VTA1: variants seen among roughly 807,000 people sequenced by gnomAD.
VTA1 encodes vacuolar protein sorting-associated protein VTA1 homolog.
In VTA1, 24 loss-of-function variants were observed where a neutral mutation model predicts 36.9. The ratio of observed to expected loss-of-function variants is 0.65; its 90% CI spans 0.47 to 0.91. The LOEUF (loss-of-function observed/expected upper bound fraction) is 0.91. Among genes scored for constraint, VTA1 ranks in the 40% least tolerant of loss-of-function variants. VTA1 has a pLI of 0.00. For missense variants in VTA1, 393 were observed against 377.2 expected (o/e 1.04, Z -0.35); for synonymous variants, 142 against 130.2 (o/e 1.09, Z -0.62).
intron 3 of VTA1, 137 bp from the exon 4 acceptor site, chr6:142,170,209 G>C (rs1169096110): frequency 2.8e-4 from 177 of 636,682 alleles, no homozygotes; most frequent in Non-Finnish European, 8.5e-5. Context: ...TTATTTTCTT[G>C]AAATCTAATT....
intron 4 of VTA1, among the ~76,000 whole-genome samples, chr6:142,182,666 G>A (rs1775264882): frequency 6.6e-6 from 1 of 152,142 alleles, no homozygotes; most frequent in African/African-American, 2.4e-5. Context: ...AACCATTGTG[G>A]CCATTTATAG....
At chr6:142,172,111 A>AGTGAT (rs1775039237) in intron 4 of VTA1, among the ~76,000 whole-genome samples, 1 of 152,104 alleles carries the variant, frequency 6.6e-6, no homozygotes, top group Non-Finnish European at 1.5e-5. Flanking sequence ...CCTGGGTTCA[A>AGTGAT]GTGATTCCCC....
intron 5 of VTA1, among the ~76,000 whole-genome samples, chr6:142,197,940 AAAAC>A (rs1775587804): frequency 6.6e-6 from 1 of 151,252 alleles, no homozygotes; most frequent in African/African-American, 2.4e-5. Context: ...AACCAAAAAA[AAAAC>A]AAACTAGCCG....
rs570806700 is a variant in VTA1, at chr6:142,189,379, A to G, written c.412-47A>G. 1.6e-4 allele frequency: 233 copies of G among 1,438,962 alleles called. 3 individuals carry two copies. In the South Asian group the frequency reaches 2.5e-3, roughly 16 times the overall value. 89.1% of individuals were successfully genotyped at this position (1,438,962 alleles called of 1,614,324 possible). On this transcript the variant is annotated intron_variant, in intron 4 of 7. Transcript: ENST00000367630. Reference sequence around the variant, plus strand: ...AGGTCATCATAAATGTTTACTTTTTACTTCTTTACCATAGTCCAATGTTGA... The same window carrying G: ...AGGTCATCATAAATGTTTACTTTTTGCTTCTTTACCATAGTCCAATGTTGA...
chr6:142,212,954 C>A (rs1012887371), intron 7 of VTA1, among the ~76,000 whole-genome samples: 1 of 152,164 alleles, frequency 6.6e-6, no homozygotes, highest in Non-Finnish European at 1.5e-5. Context: ...CTGTTCTTGG[C>A]CCCTCCCAAA....
intron 4 of VTA1, among the ~76,000 whole-genome samples, chr6:142,181,094 A>AAAAAAAAATATATAT (rs1471429927): frequency 1.4e-4 from 5 of 36,420 alleles, no homozygotes; most frequent in African/African-American, 3.8e-4. Context: ...AAAAAAAAAA[A>AAAAAAAAATATATAT]ATATATATAT....
At chr6:142,184,537 TAATA>T (rs891321710) in intron 4 of VTA1, among the ~76,000 whole-genome samples, 3 of 120,746 alleles carry the variant, frequency 2.5e-5, no homozygotes, top group African/African-American at 8.2e-5. Context: ...CTTGAGTAAA[TAATA>T]AATAACTTGA....
intron 5 of VTA1, among the ~76,000 whole-genome samples, chr6:142,193,907 C>A (rs1239552454): frequency 6.6e-6 from 1 of 151,972 alleles, no homozygotes; most frequent in African/African-American, 2.4e-5. Flanking sequence ...CTTACCCTTC[C>A]ACAAGATATT....
intron 5 of VTA1, among the ~76,000 whole-genome samples, chr6:142,197,079 G>C: frequency 6.6e-6 from 1 of 152,080 alleles, no homozygotes; most frequent in East Asian, 1.9e-4. Flanking sequence ...ATGTTACCTG[G>C]TAAGATTTCC....
intron 1 of VTA1, among the ~76,000 whole-genome samples, chr6:142,159,606 T>A (rs570344366): frequency 6.1e-4 from 92 of 151,232 alleles, no homozygotes; most frequent in African/African-American, 2.0e-3. Context: ...TTCTGCCTCC[T>A]GGGTTCAAGC....
chr6:142,208,678 C>T (rs1045195416), intron 7 of VTA1, among the ~76,000 whole-genome samples: 1 of 152,094 alleles, frequency 6.6e-6, no homozygotes, highest in Non-Finnish European at 1.5e-5. Context: ...GTCCTTAAAA[C>T]ACCAAGAGAT....
At chr6:142,214,800 ATC>A (rs1376071526) in intron 7 of VTA1, among the ~76,000 whole-genome samples, 1 of 152,098 alleles carries the variant, frequency 6.6e-6, no homozygotes, top group African/African-American at 2.4e-5. Flanking sequence ...GATAAGGGAA[ATC>A]TCTGTACCTT....
At chr6:142,188,508 T>A (rs1775390108) in intron 4 of VTA1, among the ~76,000 whole-genome samples, 1 of 152,130 alleles carries the variant, frequency 6.6e-6, no homozygotes, top group South Asian at 2.1e-4. Flanking sequence ...CCACCGTGCC[T>A]GTTTTCAAAT....
rs1413766161 is a variant in VTA1, at chr6:142,222,956, T to C, written c.*4313T>C. ...CACAGAGTAACAAATTTGCCTAAGGTAACACAGCTAATATTTATTTCTAAG... is the reference window on the plus strand; with the variant it reads ...CACAGAGTAACAAATTTGCCTAAGGCAACACAGCTAATATTTATTTCTAAG... On this transcript the variant is annotated 3_prime_UTR_variant, in exon 8 of 8. Coordinates refer to ENST00000367630, the MANE Select transcript of VTA1 (RefSeq NM_016485.5). The C allele has an allele frequency of 6.6e-6, 1 of 152,194 alleles. No individual in the cohort carries two copies. The highest frequency in any genetic ancestry group is 1.5e-5 in the Non-Finnish European group (1 of 68,036). 9.4% of individuals were successfully genotyped at this position (152,194 alleles called of 1,614,324 possible).
At chr6:142,163,348 C>A (rs225652) in intron 1 of VTA1, among the ~76,000 whole-genome samples, 55,209 of 151,822 alleles carry the variant, frequency 0.36, 11,321 homozygotes, top group Middle Eastern at 0.53. Flanking sequence ...TGCTGTCATT[C>A]CCCCTTTTAT....
chr6:142,214,375 C>T (rs1010347912), intron 7 of VTA1, among the ~76,000 whole-genome samples: 2 of 152,132 alleles, frequency 1.3e-5, no homozygotes, highest in Admixed American at 6.5e-5. Context: ...AATCATTCAA[C>T]AAGTCACGTG....
chr6:142,199,738 T>C (rs1362789271), intron 6 of VTA1, among the ~76,000 whole-genome samples: 1 of 152,162 alleles, frequency 6.6e-6, no homozygotes, highest in Non-Finnish European at 1.5e-5. Context: ...AGATTATTGA[T>C]GAAATGATAA....
intron 4 of VTA1, among the ~76,000 whole-genome samples, chr6:142,180,493 T>C (rs1015617358): frequency 1.3e-5 from 2 of 152,216 alleles, no homozygotes; most frequent in African/African-American, 4.8e-5. Flanking sequence ...ACTATAAATA[T>C]ACAAATAGTG....
rs1384630049 is a variant in VTA1 at position 142,181,454 on chromosome 6, T to TA, written c.412-7972_412-7971insA. 1.2e-3 allele frequency among the ~76,000 whole-genome samples: 76 copies of TA among 61,272 alleles called. 1 individual carries two copies. The South Asian group carries it at 0.014, about 11-fold the overall frequency. 40.2% of individuals were successfully genotyped at this position (61,272 alleles called of 152,430 possible). A position where few individuals can be genotyped will look rare whatever the true frequency, so the allele number is the denominator to read the frequency against. On this transcript the variant is annotated intron_variant, in intron 4 of 7. Coordinates refer to ENST00000367630, the MANE Select transcript of VTA1 (RefSeq NM_016485.5). ...GGCCTGACACACACACTTTTTATAT[T>TA]TTATATATATATATATATATGTATA...
Sources: gnomAD v4.1 joint callset for allele counts (sites outside exome capture counted in the v4.1 genomes callset) on GRCh38, gnomAD v4.1.1 for gene constraint, MANE v1.5 for transcripts, NCBI Gene and HGNC (gene_info 2026-07-23, HGNC 2026-07-21) for gene names.